The following PCDHA10 variants were observed in gnomAD, a reference collection of about 807,000 sequenced individuals.
The protein encoded by PCDHA10 is protocadherin alpha-10.
Under a neutral mutation model 61.2 loss-of-function variants are expected in PCDHA10, and 45 were observed. The ratio of observed to expected loss-of-function variants is 0.74; its 90% CI spans 0.58 to 0.94. The LOEUF is 0.94. PCDHA10 is among the 40% of genes least tolerant of loss of function. PCDHA10 has a pLI of 0.00. For synonymous variants in PCDHA10, 602 were observed against 548.8 expected, an observed-to-expected ratio of 1.10 and a Z score of -1.35; for missense variants, 1,278 against 1,236.2, an observed-to-expected ratio of 1.03 and a Z score of -0.51.
At chr5:140,966,663 A>C in intron 1 of PCDHA10, 1 of 1,237,556 alleles carries the variant, frequency 8.1e-7, no homozygotes, top group East Asian at 3.0e-5. Context: ...GTGGGGGAGC[A>C]GGCGCAGGGT....
At chr5:140,969,235 A>G (rs781795606) in intron 1 of PCDHA10, 2 of 1,614,206 alleles carry the variant, frequency 1.2e-6, no homozygotes, top group Non-Finnish European at 1.7e-6. Flanking sequence ...CGGGAGCCCA[A>G]GCAGCAGTGA....
chr5:140,928,902 C>T, intron 1 of PCDHA10: 1 of 1,614,164 alleles, frequency 6.2e-7, no homozygotes, highest in Non-Finnish European at 8.5e-7. Flanking sequence ...TTGAAGATGT[C>T]TGGGAACCAG....
intron 1 of PCDHA10, chr5:140,929,452 T>C: frequency 1.5e-6 from 2 of 1,366,592 alleles, no homozygotes; most frequent in Non-Finnish European, 2.0e-6. Context: ...TTCTTAGCAC[T>C]TCCTGTGCCA....
intron 1 of PCDHA10, 127 bp from the exon 2 acceptor site, chr5:140,978,822 A>G: frequency 6.6e-7 from 1 of 1,521,216 alleles, no homozygotes; most frequent in Non-Finnish European, 8.8e-7. Context: ...GTTACACATG[A>G]AATGGCTCAT....
At chr5:140,920,855 A>AC (rs1163764054) in intron 1 of PCDHA10, among the ~76,000 whole-genome samples, 5 of 151,976 alleles carry the variant, frequency 3.3e-5, no homozygotes, top group African/African-American at 4.8e-5. Context: ...AAAAAAAAAA[A>AC]AAACAAACAA....
chr5:140,953,648 A>C (rs2094921161), intron 1 of PCDHA10, among the ~76,000 whole-genome samples: 1 of 152,150 alleles, frequency 6.6e-6, no homozygotes, highest in Non-Finnish European at 1.5e-5. Flanking sequence ...CAGGAGCTAT[A>C]GTTGTTATCT....
At chr5:140,947,769 A>T (rs2094173274) in intron 1 of PCDHA10, among the ~76,000 whole-genome samples, 1 of 151,626 alleles carries the variant, frequency 6.6e-6, no homozygotes, top group Non-Finnish European at 1.5e-5. Context: ...AAAAAATTCT[A>T]TTGTAAATGG....
At chr5:140,986,530 G>C (rs1341824536) in intron 3 of PCDHA10, among the ~76,000 whole-genome samples, 1 of 152,162 alleles carries the variant, frequency 6.6e-6, no homozygotes, top group African/African-American at 2.4e-5. Context: ...GAGGGAACTG[G>C]CCTGGCTTCA....
chr5:140,994,417 T>C (rs1401833924), intron 3 of PCDHA10, among the ~76,000 whole-genome samples: 1 of 152,078 alleles, frequency 6.6e-6, no homozygotes, highest in East Asian at 1.9e-4. Context: ...ATACTGGATA[T>C]TGAGGCCGGG....
At chr5:140,867,200 A>G (rs1239575601) in intron 1 of PCDHA10, 1 of 152,126 alleles carries the variant, frequency 6.6e-6, no homozygotes, top group African/African-American at 2.4e-5. Context: ...TCCACATTCC[A>G]TGTAACATCT....
intron 3 of PCDHA10, among the ~76,000 whole-genome samples, chr5:141,001,941 A>G (rs565358428): frequency 6.6e-6 from 1 of 151,874 alleles, no homozygotes; most frequent in Admixed American, 6.5e-5. Context: ...GTGAGCGGAA[A>G]TAAGGAGGAG....
intron 1 of PCDHA10, among the ~76,000 whole-genome samples, chr5:140,872,848 A>T: frequency 1.3e-5 from 2 of 152,332 alleles, no homozygotes; most frequent in African/African-American, 4.8e-5. Context: ...AAATATATTA[A>T]TGTGAGTACC....
At chr5:140,914,710 G>GT (rs1554196543) in intron 1 of PCDHA10, among the ~76,000 whole-genome samples, 1 of 151,256 alleles carries the variant, frequency 6.6e-6, no homozygotes, top group Non-Finnish European at 1.5e-5. Context: ...TTAATTTCTT[G>GT]TTTTTTATTT....
intron 3 of PCDHA10, among the ~76,000 whole-genome samples, chr5:140,993,036 GTCA>G (rs1415732601): frequency 6.6e-6 from 1 of 152,182 alleles, no homozygotes; most frequent in Non-Finnish European, 1.5e-5. Flanking sequence ...GGCTCCGTGT[GTCA>G]TCAAGATGTC....
At chr5:140,969,374 G>A (rs1554231740) in intron 1 of PCDHA10, 1 of 1,606,076 alleles carries the variant, frequency 6.2e-7, no homozygotes, top group South Asian at 1.1e-5. Flanking sequence ...TCATGCATTT[G>A]TTACACATCC....
At chr5:140,868,930 G>A (rs966807738) in intron 1 of PCDHA10, 6 of 1,085,506 alleles carry the variant, frequency 5.5e-6, no homozygotes, top group East Asian at 5.1e-5. Context: ...TTCATTTAAA[G>A]GTTGGTCTGA....
At position 140,855,973 on chromosome 5, in the gene PCDHA10, T is replaced by A. The variant is rs371048948; in HGVS notation, c.-76T>A. ...TTCGATAAAAAATAGATATAAGAAATAGGACAGAAAATGTCAGATCGTATG... is the reference window on the plus strand; with the variant it reads ...TTCGATAAAAAATAGATATAAGAAAAAGGACAGAAAATGTCAGATCGTATG... On this transcript the variant is annotated 5_prime_UTR_variant, in exon 1 of 4. Coordinates refer to ENST00000307360, the MANE Select transcript of PCDHA10 (RefSeq NM_018901.4). 71 of 1,440,548 alleles carry A rather than the reference T, an allele frequency of 4.9e-5. 4 individuals are homozygous for A. The Middle Eastern group carries it at 9.2e-4, about 19-fold the overall frequency. The allele number at this position is 1,440,548 out of a possible 1,614,324, so 89.2% of individuals were successfully genotyped here.
rs1364522984 is a variant in PCDHA10 at position 140,856,543 on chromosome 5, A to G, written c.495A>G (p.Ala165=). 5.0e-6 allele frequency: 8 copies of G among 1,598,190 alleles called. No homozygotes were observed. In the African/African-American group the frequency reaches 6.7e-5, roughly 13 times the overall value. The part of the protein sequence containing the change: ...GASDADVGEN[A]LLTYKLSPNE... The stretch of plus-strand genomic sequence containing the variant: ...CTGATGCGGATGTTGGAGAGAACGC[A>G]TTGCTTACTTACAAACTCAGTCCAA... The change falls in exon 1 of 4, where the codon GCA becomes GCG. Residue 165 remains alanine (A), a synonymous_variant. Transcript: ENST00000307360.
At chr5:140,907,840 A>C (rs2073633940) in intron 1 of PCDHA10, among the ~76,000 whole-genome samples, 1 of 152,160 alleles carries the variant, frequency 6.6e-6, no homozygotes, top group South Asian at 2.1e-4. Context: ...TGTTTATTAA[A>C]ATCCTCCTCT....
Sources: allele counts gnomAD v4.1 joint callset (sites outside exome capture counted in the v4.1 genomes callset), GRCh38; gene constraint gnomAD v4.1.1; transcripts MANE v1.5; gene names NCBI Gene and HGNC (gene_info 2026-07-23, HGNC 2026-07-21).